The following NTNG1 variants were observed in gnomAD, a reference collection of about 807,000 sequenced individuals.
NTNG1 encodes the protein netrin G1.
Under a neutral mutation model 54.0 loss-of-function variants are expected in NTNG1, and 16 were observed. The ratio of observed to expected loss-of-function variants is 0.30; its 90% confidence interval spans 0.20 to 0.45. The LOEUF (loss-of-function observed/expected upper bound fraction) is 0.45. NTNG1 is among the 20% of genes least tolerant of loss of function. The pLI is 1.00. For synonymous variants in NTNG1, 255 were observed against 263.1 expected (o/e 0.97, Z 0.30); for missense variants, 530 against 678.7 (o/e 0.78, Z 2.43).
chr1:107,261,592 C>T (rs551867809), intron 2 of NTNG1, among the ~76,000 whole-genome samples: 20 of 152,256 alleles, frequency 1.3e-4, no homozygotes, highest in African/African-American at 4.8e-4. Flanking sequence ...GCCTGTAATC[C>T]CAGCACTTTG....
rs190862440 is a variant in NTNG1 at position 107,151,428 on chromosome 1, C to T, written c.246+2589C>T. 3.6e-4 allele frequency among the ~76,000 whole-genome samples: 55 copies of T among 152,246 alleles called. No individual in the cohort carries two copies. The East Asian group carries it at 6.8e-3, about 19-fold the overall frequency. On this transcript the variant is annotated intron_variant, in intron 2 of 7. Transcript: ENST00000370068. ...GACTTATGCGTTCTCCCCTCCTTGACGCTTGCATCCATACCTGCTCCCTCA... is the reference window on the plus strand; with the variant it reads ...GACTTATGCGTTCTCCCCTCCTTGATGCTTGCATCCATACCTGCTCCCTCA...
intron 4 of NTNG1, among the ~76,000 whole-genome samples, chr1:107,407,475 G>T (rs1384809881): frequency 6.6e-6 from 1 of 150,870 alleles, no homozygotes; most frequent in Non-Finnish European, 1.5e-5. Context: ...AAACAAAATG[G>T]TTTCAATTGC....
intron 5 of NTNG1, chr1:107,408,422 A>G (rs1273048836): frequency 6.5e-6 from 1 of 153,332 alleles, no homozygotes; most frequent in Non-Finnish European, 1.5e-5. Flanking sequence ...ATCTGTTAGT[A>G]TGAATCCAAG....
Position 107,238,092 on chromosome 1 carries a change from C to T in NTNG1, c.247-86190C>T, listed in dbSNP as rs547648339. On this transcript the variant is annotated intron_variant, in intron 2 of 7. Transcript: ENST00000370068. Reference sequence around the variant, plus strand: ...CCCTTGAAAGCAGCCAGGAGGGATACTATACCCTGCAAAGCCACAGGAGTG... The same window carrying T: ...CCCTTGAAAGCAGCCAGGAGGGATATTATACCCTGCAAAGCCACAGGAGTG... 2.6e-4 allele frequency among the ~76,000 whole-genome samples: 40 copies of T among 152,282 alleles called. No homozygotes were observed. The South Asian group carries it at 8.1e-3, about 31-fold the overall frequency.
intron 2 of NTNG1, among the ~76,000 whole-genome samples, chr1:107,315,756 T>G (rs1479208989): frequency 6.6e-6 from 1 of 152,178 alleles, no homozygotes. Flanking sequence ...TGTTTACTTT[T>G]GTAGGGGCTG....
rs192698683 is a variant in NTNG1, at chr1:107,429,930, C to G, written c.1088-820C>G. 3.3e-3 allele frequency among the ~76,000 whole-genome samples: 495 copies of G among 152,232 alleles called. 4 individuals carry two copies. The highest frequency in any genetic ancestry group is 5.0e-3 in the Non-Finnish European group (340 of 68,016). ...TCTTCATCTCCCTGTCTAGTCATTA[C>G]CACCATCACTCCTAAGCCTCAGAGA... On this transcript the variant is annotated intron_variant, in intron 5 of 7. Coordinates refer to ENST00000370068, the MANE Select transcript of NTNG1 (RefSeq NM_001113226.3).
At chr1:107,389,418 T>C (rs1487150377) in intron 3 of NTNG1, among the ~76,000 whole-genome samples, 1 of 141,616 alleles carries the variant, frequency 7.1e-6, no homozygotes, top group Admixed American at 7.1e-5. Flanking sequence ...TATATTAAGT[T>C]ATAAAAAAAT....
At chr1:107,211,178 A>C (rs1570863308) in intron 2 of NTNG1, among the ~76,000 whole-genome samples, 1 of 152,160 alleles carries the variant, frequency 6.6e-6, no homozygotes, top group Non-Finnish European at 1.5e-5. Context: ...GAATTGTAGA[A>C]GCATCATATA....
intron 6 of NTNG1, 124 bp downstream of exon 6, chr1:107,431,041 A>G: frequency 1.3e-6 from 1 of 796,246 alleles, no homozygotes; most frequent in South Asian, 1.8e-5. Flanking sequence ...AATGTAGAAA[A>G]TATCCTATGG....
At chr1:107,193,443 A>G (rs532089657) in intron 2 of NTNG1, among the ~76,000 whole-genome samples, 4 of 152,136 alleles carry the variant, frequency 2.6e-5, no homozygotes, top group Admixed American at 2.6e-4. Flanking sequence ...ATAACTCATT[A>G]TTCTGGTATT....
intron 2 of NTNG1, among the ~76,000 whole-genome samples, chr1:107,242,540 G>T (rs1285747773): frequency 6.6e-6 from 1 of 152,176 alleles, no homozygotes; most frequent in Non-Finnish European, 1.5e-5. Flanking sequence ...ATAATACCAT[G>T]TAAGATGTGT....
chr1:107,354,345 T>C lies in NTNG1; in HGVS notation c.887+29423T>C, dbSNP rs920088510. The stretch of plus-strand genomic sequence containing the variant: ...TTAGCCGAGCGTGGTGGCAGGCACC[T>C]GTAGTCCTAGCTACTCAGGAGGCAG... On this transcript the variant is annotated intron_variant, in intron 3 of 7. Transcript: ENST00000370068. Among the ~76,000 whole-genome samples, 216 of 151,564 alleles carry C rather than the reference T, an allele frequency of 1.4e-3. 1 individual carries two copies. The highest frequency in any genetic ancestry group is 5.1e-3 in the African/African-American group (209 of 41,306).
intron 2 of NTNG1, among the ~76,000 whole-genome samples, chr1:107,252,458 A>T (rs1330873532): frequency 6.6e-6 from 1 of 152,224 alleles, no homozygotes; most frequent in African/African-American, 2.4e-5. Context: ...AGAACAGGAA[A>T]TTGCAGACAG....
chr1:107,232,017 ACT>A (rs1415079222), intron 2 of NTNG1, among the ~76,000 whole-genome samples: 7 of 152,152 alleles, frequency 4.6e-5, no homozygotes, highest in Non-Finnish European at 1.0e-4. Context: ...TGATTCAGAA[ACT>A]CTGAATAGCA....
chr1:107,296,303 A>C (rs144426193), intron 2 of NTNG1, among the ~76,000 whole-genome samples: 4 of 152,274 alleles, frequency 2.6e-5, no homozygotes, highest in African/African-American at 7.2e-5. Flanking sequence ...TTTCAGTGGA[A>C]GGAATCATAG....
intron 6 of NTNG1, among the ~76,000 whole-genome samples, chr1:107,434,100 C>T (rs1248192940): frequency 6.6e-6 from 1 of 152,154 alleles, no homozygotes; most frequent in Non-Finnish European, 1.5e-5. Context: ...TCATCTAAGT[C>T]TCATCTACAT....
chr1:107,447,899 T>C (rs1676401610), intron 7 of NTNG1, among the ~76,000 whole-genome samples: 1 of 152,124 alleles, frequency 6.6e-6, no homozygotes, highest in Non-Finnish European at 1.5e-5. Flanking sequence ...ATTCACCTTT[T>C]ATTCAATCAC....
intron 2 of NTNG1, among the ~76,000 whole-genome samples, chr1:107,206,286 T>C (rs1009198214): frequency 1.3e-5 from 2 of 152,168 alleles, no homozygotes; most frequent in African/African-American, 4.8e-5. Flanking sequence ...CTGCCCCATA[T>C]CCTCATGAAC....
Position 107,483,345 on chromosome 1 carries a change from G to A in NTNG1, c.*2505G>A, listed in dbSNP as rs968124043. On this transcript the variant is annotated 3_prime_UTR_variant, in exon 8 of 8. Transcript: ENST00000370068. Reference sequence around the variant, plus strand: ...ATTCATCTGCATTTTATCTTTATGAGGCCATAAGAATCTAAATTGATGAGG... The same window carrying A: ...ATTCATCTGCATTTTATCTTTATGAAGCCATAAGAATCTAAATTGATGAGG... The A allele has an allele frequency of 2.6e-5, 4 of 152,134 alleles. No homozygotes were observed. The highest frequency in any genetic ancestry group is 5.9e-5 in the Non-Finnish European group (4 of 68,020). The allele number at this position is 152,134 out of a possible 1,614,324, so 9.4% of individuals were successfully genotyped here. A position where few individuals can be genotyped will look rare whatever the true frequency, so the allele number is the denominator to read the frequency against.
Sources: allele counts gnomAD v4.1 joint callset (sites outside exome capture counted in the v4.1 genomes callset), GRCh38; gene constraint gnomAD v4.1.1; transcripts MANE v1.5; gene names NCBI Gene and HGNC (gene_info 2026-07-23, HGNC 2026-07-21).